PUM1: variants seen among roughly 807,000 people sequenced by gnomAD.
The protein encoded by PUM1 is pumilio homolog 1.
PUM1 carries 13 observed loss-of-function variants against 131.8 expected under a neutral mutation model. The observed-to-expected ratio is 0.10, with a 90% CI of 0.06 to 0.16. The LOEUF is 0.16. Among genes scored for constraint, PUM1 ranks in the 10% least tolerant of loss-of-function variants. The pLI is 1.00. For missense variants in PUM1, 961 were observed against 1,512.4 expected (o/e 0.64, Z 6.05); for synonymous variants, 509 against 556.5 (o/e 0.91, Z 1.20).
At chr1:31,049,823 C>CTTTTTTTT (rs773718125) in intron 2 of PUM1, among the ~76,000 whole-genome samples, 6 of 80,006 alleles carry the variant, frequency 7.5e-5, no homozygotes, top group African/African-American at 1.0e-4. Flanking sequence ...ACTGAACTTC[C>CTTTTTTTT]TTTTTTTTTT....
chr1:31,016,197 G>T (rs1268376455), intron 3 of PUM1, among the ~76,000 whole-genome samples: 3 of 152,076 alleles, frequency 2.0e-5, no homozygotes, highest in African/African-American at 7.2e-5. Context: ...TTCCAGATTG[G>T]GCTGTTCAGC....
rs188079747 is a variant in PUM1 at position 30,947,758 on chromosome 1, G to T, written c.2857-2275C>A. 1.3e-4 allele frequency among the ~76,000 whole-genome samples: 20 copies of T among 152,132 alleles called. No homozygotes were observed. In the East Asian group the frequency reaches 3.7e-3, roughly 28 times the overall value. On this transcript the variant is annotated intron_variant, in intron 17 of 21. Coordinates refer to ENST00000426105, the MANE Select transcript of PUM1 (RefSeq NM_001020658.2). ...ATGTCTTAAATGCCCAAAATGTTGA[G>T]TACCTCAAAGCAACTAAGATATCAT...
At chr1:30,963,303 T>C (rs1294412086) in intron 14 of PUM1, among the ~76,000 whole-genome samples, 4 of 152,150 alleles carry the variant, frequency 2.6e-5, no homozygotes, top group Non-Finnish European at 5.9e-5. Context: ...CCAGGCATTG[T>C]GTCACTAGGA....
At chr1:30,982,452 G>A (rs1641391194) in intron 7 of PUM1, among the ~76,000 whole-genome samples, 1 of 152,208 alleles carries the variant, frequency 6.6e-6, no homozygotes, top group Non-Finnish European at 1.5e-5. Context: ...CTCCTTCCAA[G>A]GAGTCATACT....
chr1:30,944,398 AAAAC>A lies in PUM1; in HGVS notation c.2994+944_2994+947del, dbSNP rs954938375. ...CTGTAAGGACTTTGTGTTTTGGAAAAAAACAAAACAAACAAACAAACAAAAAAAC... is the reference window on the plus strand; with the variant it reads ...CTGTAAGGACTTTGTGTTTTGGAAAAAAAACAAACAAACAAACAAAAAAAC... On this transcript the variant is annotated intron_variant, in intron 18 of 21. Transcript: ENST00000426105. 7.2e-5 allele frequency among the ~76,000 whole-genome samples: 11 copies of A among 152,232 alleles called. No homozygotes were observed. In the South Asian group the frequency reaches 1.2e-3, roughly 17 times the overall value.
rs1553150577 is a variant in PUM1 at position 31,014,322 on chromosome 1, AAT to A, written c.433-7222_433-7221del. ...TCTCCAAAAAAAAAAAAAAAAAAAA[AAT>A]CTACATTCAAAGTGCTTGTAAAAAT... On this transcript the variant is annotated intron_variant, in intron 3 of 21. Coordinates refer to ENST00000426105, the MANE Select transcript of PUM1 (RefSeq NM_001020658.2). Among the ~76,000 whole-genome samples the A allele has an allele frequency of 5.7e-4, 81 of 143,152 alleles. 1 individual carries two copies. The highest frequency in any genetic ancestry group is 1.7e-3 in the African/African-American group (66 of 38,418). The allele number at this position is 143,152 out of a possible 152,430, so 93.9% of individuals were successfully genotyped here.
In PUM1 at chr1:31,059,301, T is replaced by C. The variant is rs1570375789; in HGVS notation, c.266A>G (p.His89Arg). The C allele has an allele frequency of 1.9e-6, 3 of 1,614,210 alleles. No individual in the cohort carries two copies. Among genetic ancestry groups the C allele is most frequent in the South Asian group, 2.2e-5 (2 of 91,086 alleles). ...AMVDYFFQRQ[H>R]GEQLGGGGSG... Reference sequence around the variant, plus strand: ...TCCTCCTCCCCCAAGCTGCTCACCATGCTGCCTCTGAAAGAAGTAGTCCAC... The same window carrying C: ...TCCTCCTCCCCCAAGCTGCTCACCACGCTGCCTCTGAAAGAAGTAGTCCAC... Residue 89 changes from histidine to arginine, a missense_variant, in exon 2 of 22, where the codon CAT becomes CGT. Physicochemically the swap from His to Arg is conservative, Grantham distance 29. Coordinates refer to ENST00000426105, the MANE Select transcript of PUM1 (RefSeq NM_001020658.2).
At position 31,057,257 on chromosome 1, in the gene PUM1, G is replaced by T. The variant is rs530135076; in HGVS notation, c.363+1947C>A. Among the ~76,000 whole-genome samples, 147 of 151,928 alleles carry T rather than the reference G, an allele frequency of 9.7e-4. 1 individual carries two copies. Among genetic ancestry groups the T allele is most frequent in the African/African-American group, 3.4e-3 (140 of 41,448 alleles). On this transcript the variant is annotated intron_variant, in intron 2 of 21. Transcript: ENST00000426105. The stretch of plus-strand genomic sequence containing the variant: ...CGTCTCTACAAAAAATACAAAAGTA[G>T]CCGGGTGTAGTGTTGCAAACCTGTA...
chr1:30,967,351 A>G, intron 11 of PUM1, 41 bp from the exon 12 acceptor site: 1 of 1,579,228 alleles, frequency 6.3e-7, no homozygotes, highest in South Asian at 1.1e-5. Flanking sequence ...TATGTTAAAC[A>G]AACAAGTATC....
intron 2 of PUM1, among the ~76,000 whole-genome samples, chr1:31,057,405 C>CAAAAAAAA (rs1223950994): frequency 5.8e-5 from 4 of 68,744 alleles, no homozygotes; most frequent in Admixed American, 1.9e-4. Context: ...GACCTTGTCT[C>CAAAAAAAA]AAAAAAAAAA....
chr1:31,034,659 CAG>C (rs1470670804), intron 2 of PUM1, among the ~76,000 whole-genome samples: 1 of 152,156 alleles, frequency 6.6e-6, no homozygotes, highest in African/African-American at 2.4e-5. Context: ...CTCTGAGGTT[CAG>C]AGAGTCCTTA....
chr1:30,959,147 A>T (rs985389379), intron 14 of PUM1, among the ~76,000 whole-genome samples: 3 of 152,228 alleles, frequency 2.0e-5, no homozygotes, highest in Non-Finnish European at 4.4e-5. Context: ...TCTTACTACA[A>T]ATAAATGCCC....
chr1:30,945,424 G>C lies in PUM1; in HGVS notation c.2916C>G (p.Gly972=). 1 of 1,614,110 alleles carries C rather than the reference G, an allele frequency of 6.2e-7. No homozygotes were observed. The highest frequency in any genetic ancestry group is 8.5e-7 in the Non-Finnish European group (1 of 1,179,978). ...CAATGCATTTCTGAACCACGTGATT[G>C]CCATTCTGATCTTTCACACACTTCA... The part of the protein sequence containing the change: ...HVLKCVKDQN[G]NHVVQKCIEC... The change falls in exon 18 of 22, where the codon GGC becomes GGG. Residue 972 remains glycine, a synonymous_variant. Coordinates refer to ENST00000426105, the MANE Select transcript of PUM1 (RefSeq NM_001020658.2).
chr1:30,978,986 C>T (rs1641250000), intron 9 of PUM1, among the ~76,000 whole-genome samples: 1 of 151,900 alleles, frequency 6.6e-6, no homozygotes, highest in South Asian at 2.1e-4. Flanking sequence ...GCACAGTAGC[C>T]CTAGCTACTC....
intron 3 of PUM1, among the ~76,000 whole-genome samples, chr1:31,024,050 C>A (rs1643135010): frequency 6.6e-6 from 1 of 152,058 alleles, no homozygotes; most frequent in Admixed American, 6.5e-5. Flanking sequence ...AGAACAATTC[C>A]TCTTTTCTAT....
intron 5 of PUM1, 84 bp downstream of exon 5, chr1:31,005,769 A>G: frequency 7.6e-7 from 1 of 1,313,028 alleles, no homozygotes; most frequent in Non-Finnish European, 1.0e-6. Context: ...CTAAACAGGC[A>G]TGTTTTGCTT....
At chr1:31,054,752 A>C (rs764292735) in intron 2 of PUM1, among the ~76,000 whole-genome samples, 6 of 152,162 alleles carry the variant, frequency 3.9e-5, no homozygotes, top group Non-Finnish European at 5.9e-5. Flanking sequence ...ATTATAGGAG[A>C]ATGGTCAACA....
At chr1:31,012,288 A>C (rs940546493) in intron 3 of PUM1, among the ~76,000 whole-genome samples, 1 of 151,962 alleles carries the variant, frequency 6.6e-6, no homozygotes, top group Non-Finnish European at 1.5e-5. Flanking sequence ...GTGTGGGGTC[A>C]ATATCGCAAC....
chr1:31,019,428 C>T (rs778342759), intron 3 of PUM1, among the ~76,000 whole-genome samples: 1 of 152,196 alleles, frequency 6.6e-6, no homozygotes, highest in Non-Finnish European at 1.5e-5. Flanking sequence ...TTGATGACTA[C>T]CATTAAACTT....
Sources: allele counts gnomAD v4.1 joint callset (sites outside exome capture counted in the v4.1 genomes callset), GRCh38; gene constraint gnomAD v4.1.1; transcripts MANE v1.5; gene names NCBI Gene and HGNC (gene_info 2026-07-23, HGNC 2026-07-21).